The following PHTF2 variants were observed in gnomAD, a reference collection of about 807,000 sequenced individuals.
The protein encoded by PHTF2 is putative homeodomain transcription factor 2, also known as protein PHTF2.
In PHTF2, 60 loss-of-function variants were observed where a neutral mutation model predicts 101.2. The observed-to-expected ratio is 0.59, with a 90% confidence interval of 0.48 to 0.73. The LOEUF is 0.73. Among genes scored for constraint, PHTF2 ranks in the 30% least tolerant of loss-of-function variants. PHTF2 has a pLI of 0.00. For synonymous variants in PHTF2, 311 were observed against 307.3 expected (o/e 1.01, Z -0.13); for missense variants, 747 against 908.7 (o/e 0.82, Z 2.29).
intron 1 of PHTF2, among the ~76,000 whole-genome samples, chr7:77,824,476 A>AGTGCAGTGGTGCAATCT (rs1794553480): frequency 6.6e-6 from 1 of 152,106 alleles, no homozygotes; most frequent in African/African-American, 2.4e-5. Flanking sequence ...TTTAGGCTGG[A>AGTGCAGTGGTGCAATCT]GTGCAGTGGT....
In PHTF2 at chr7:77,840,412, A is replaced by G. The variant is rs1299288897; in HGVS notation, c.45+112A>G. The G allele has an allele frequency of 6.1e-6, 4 of 660,174 alleles. No individual in the cohort carries two copies. The East Asian group carries it at 8.2e-5, about 14-fold the overall frequency. 40.9% of individuals were successfully genotyped at this position (660,174 alleles called of 1,614,324 possible). Reference sequence around the variant, plus strand: ...TGAGTGGGAAAGGAAGATTATTTTTATTTTTCTTGTACTTATTTTACTTCT... The same window carrying G: ...TGAGTGGGAAAGGAAGATTATTTTTGTTTTTCTTGTACTTATTTTACTTCT... On this transcript the variant is annotated intron_variant, in intron 2 of 19. Transcript: ENST00000416283.
chr7:77,832,711 C>T (rs770389469), intron 1 of PHTF2, among the ~76,000 whole-genome samples: 2 of 151,874 alleles, frequency 1.3e-5, no homozygotes, highest in Non-Finnish European at 2.9e-5. Context: ...TCACTGTCTT[C>T]CATCATCCCC....
At chr7:77,809,607 T>C (rs1793277060) in intron 1 of PHTF2, among the ~76,000 whole-genome samples, 1 of 152,110 alleles carries the variant, frequency 6.6e-6, no homozygotes, top group Non-Finnish European at 1.5e-5. Flanking sequence ...CTAAGGGAGA[T>C]TAATAGATTA....
intron 3 of PHTF2, among the ~76,000 whole-genome samples, chr7:77,887,046 T>TA (rs60779765): frequency 1.5e-3 from 208 of 139,934 alleles, no homozygotes; most frequent in Middle Eastern, 3.6e-3. Context: ...ACCCTGTCTT[T>TA]AAAAAAAAAA....
chr7:77,927,268 A>C (rs529456019), intron 11 of PHTF2, among the ~76,000 whole-genome samples: 31 of 151,176 alleles, frequency 2.1e-4, no homozygotes, highest in Non-Finnish European at 3.5e-4. Flanking sequence ...TGTGGAAAGC[A>C]GTACAAAATT....
chr7:77,884,163 G>T lies in PHTF2; in HGVS notation c.148-9445G>T, dbSNP rs571775111. Among the ~76,000 whole-genome samples, 3 of 152,136 alleles carry T rather than the reference G, an allele frequency of 2.0e-5. No homozygotes were observed. In the East Asian group the frequency reaches 5.8e-4, roughly 29 times the overall value. ...GGGGAAAACAAAGTGTTAAAATCCA[G>T]CACTCCAAATATGACAAAGTGTATT... On this transcript the variant is annotated intron_variant, in intron 3 of 19. Transcript: ENST00000416283.
exon 9 of PHTF2, chr7:77,910,311 C>T: frequency 1.2e-6 from 2 of 1,613,404 alleles, no homozygotes; most frequent in South Asian, 2.2e-5. Flanking sequence ...CCACAGATAA[C>T]ACACAAGAGG....
intron 3 of PHTF2, among the ~76,000 whole-genome samples, chr7:77,871,203 G>A (rs1481201465): frequency 1.3e-5 from 2 of 152,074 alleles, no homozygotes; most frequent in African/African-American, 4.8e-5. Flanking sequence ...CCTGAATTGG[G>A]CTGTTGTAGT....
At chr7:77,805,726 A>C (rs142085373) in intron 1 of PHTF2, among the ~76,000 whole-genome samples, 2 of 152,278 alleles carry the variant, frequency 1.3e-5, no homozygotes, top group African/African-American at 4.8e-5. Context: ...TTTTTTCCTT[A>C]GTTCTAACTT....
At chr7:77,842,469 C>T (rs1584462551) in intron 2 of PHTF2, among the ~76,000 whole-genome samples, 1 of 152,054 alleles carries the variant, frequency 6.6e-6, no homozygotes, top group East Asian at 1.9e-4. Flanking sequence ...TTGATTTGCT[C>T]TATTTTTTTC....
chr7:77,850,945 A>G (rs984656197), intron 2 of PHTF2, among the ~76,000 whole-genome samples: 8 of 152,206 alleles, frequency 5.3e-5, no homozygotes, highest in Non-Finnish European at 1.2e-4. Flanking sequence ...ATGTTGAACC[A>G]TCATGCATCC....
chr7:77,948,864 A>G (rs1188887598), intron 16 of PHTF2, among the ~76,000 whole-genome samples: 1 of 152,218 alleles, frequency 6.6e-6, no homozygotes, highest in Non-Finnish European at 1.5e-5. Context: ...TTCAGAGACT[A>G]ACTTACAATA....
At chr7:77,954,586 A>C (rs915440015) in intron 19 of PHTF2, among the ~76,000 whole-genome samples, 1 of 144,598 alleles carries the variant, frequency 6.9e-6, no homozygotes, top group African/African-American at 2.5e-5. Flanking sequence ...GGAAGGTGTA[A>C]GATAATCATA....
chr7:77,927,175 A>ATAT (rs1474086388), intron 11 of PHTF2, among the ~76,000 whole-genome samples: 3 of 91,900 alleles, frequency 3.3e-5, no homozygotes, highest in Non-Finnish European at 4.6e-5. Flanking sequence ...AAAAAAAAAA[A>ATAT]AAATATATAT....
At chr7:77,853,651 C>T (rs1271388307) in intron 2 of PHTF2, among the ~76,000 whole-genome samples, 3 of 152,144 alleles carry the variant, frequency 2.0e-5, no homozygotes, top group Admixed American at 6.5e-5. Context: ...ACCTCGGCCT[C>T]CCAAAGTGTT....
chr7:77,879,409 G>GC (rs1250494668), intron 3 of PHTF2, among the ~76,000 whole-genome samples: 3 of 152,040 alleles, frequency 2.0e-5, no homozygotes, highest in Non-Finnish European at 4.4e-5. Context: ...ACTCGTGATG[G>GC]CCTTCTCTCC....
exon 20 of PHTF2, chr7:77,955,898 A>T (rs1231790355): frequency 6.6e-6 from 1 of 152,418 alleles, no homozygotes; most frequent in Non-Finnish European, 1.5e-5. Flanking sequence ...AGACAGCTTC[A>T]GCTTGCAAAT....
chr7:77,859,642 C>T (rs1463007988), intron 3 of PHTF2, among the ~76,000 whole-genome samples: 2 of 150,922 alleles, frequency 1.3e-5, no homozygotes, highest in African/African-American at 2.4e-5. Flanking sequence ...CAGCTTACTG[C>T]AGCCGCAACC....
chr7:77,920,744 C>T (rs1459192831), intron 10 of PHTF2, among the ~76,000 whole-genome samples: 5 of 152,076 alleles, frequency 3.3e-5, no homozygotes, highest in Non-Finnish European at 5.9e-5. Flanking sequence ...TGAGGTGGTG[C>T]GATCTTGGCT....
Sources: gnomAD v4.1 joint callset for allele counts (sites outside exome capture counted in the v4.1 genomes callset) on GRCh38, gnomAD v4.1.1 for gene constraint, MANE v1.5 for transcripts, NCBI Gene and HGNC (gene_info 2026-07-23, HGNC 2026-07-21) for gene names.